The following MMP26 variants were observed in gnomAD, a reference collection of about 807,000 sequenced individuals.
The protein encoded by MMP26 is matrix metalloproteinase-26.
MMP26 carries 33 observed loss-of-function variants against 31.0 expected under a neutral mutation model. That is an observed-to-expected ratio of 1.06 (90% CI 0.81 to 1.42). The LOEUF is 1.42. Among genes scored for constraint, MMP26 ranks in the 40% most tolerant of loss-of-function variants. The probability of loss-of-function intolerance (pLI) is 0.00; values close to 1 mark genes in which losing one functional copy is unlikely to be tolerated. For synonymous variants in MMP26, 122 were observed against 114.9 expected (o/e 1.06, Z -0.40); for missense variants, 347 against 316.1 (o/e 1.10, Z -0.74).
chr11:4,914,431 G>T, intron 2 of MMP26: 1 of 323,732 alleles, frequency 3.1e-6, no homozygotes. Context: ...GGGAGAAGAA[G>T]TAGACCCTAT....
intron 2 of MMP26, among the ~76,000 whole-genome samples, chr11:4,932,932 CTTG>C (rs1851371792): frequency 1.3e-5 from 2 of 152,020 alleles, no homozygotes; most frequent in Non-Finnish European, 2.9e-5. Context: ...AGTTCATTGC[CTTG>C]TTTACAATCT....
chr11:4,862,895 A>C (rs1022989010), intron 2 of MMP26, among the ~76,000 whole-genome samples: 17 of 152,078 alleles, frequency 1.1e-4, no homozygotes, highest in Non-Finnish European at 2.2e-4. Flanking sequence ...GATCTAAACA[A>C]AGCACTTTGT....
intron 2 of MMP26, chr11:4,882,084 A>T: frequency 6.2e-7 from 1 of 1,613,918 alleles, no homozygotes; most frequent in Non-Finnish European, 8.5e-7. Context: ...AAACCCATGT[A>T]TTATTTCCTC....
intron 2 of MMP26, among the ~76,000 whole-genome samples, chr11:4,778,438 A>G (rs907035280): frequency 1.3e-5 from 2 of 152,010 alleles, no homozygotes; most frequent in Non-Finnish European, 2.9e-5. Context: ...GTATCTATCA[A>G]ATGCCTATAT....
chr11:4,925,448 T>C lies in MMP26; in HGVS notation c.-144-62620T>C, dbSNP rs138189849. 3.3e-5 allele frequency among the ~76,000 whole-genome samples: 5 copies of C among 152,180 alleles called. No individual in the cohort carries two copies. In the East Asian group the frequency reaches 9.6e-4, roughly 29 times the overall value. Reference sequence around the variant, plus strand: ...AAGATGGATGGCAACAGAAGACACATGTTTTAGAGACCGAGTCCAGTTTGG... The same window carrying C: ...AAGATGGATGGCAACAGAAGACACACGTTTTAGAGACCGAGTCCAGTTTGG... On this transcript the variant is annotated intron_variant, in intron 2 of 7. Coordinates refer to ENST00000380390, the MANE Select transcript of MMP26 (RefSeq NM_021801.5).
intron 2 of MMP26, among the ~76,000 whole-genome samples, chr11:4,961,193 C>G (rs1304761017): frequency 6.6e-6 from 1 of 152,204 alleles, no homozygotes; most frequent in African/African-American, 2.4e-5. Flanking sequence ...TTCAGTGTTT[C>G]TACATACACG....
chr11:4,881,759 C>T lies in MMP26; in HGVS notation c.-144-106309C>T, dbSNP rs1348230718. The T allele has an allele frequency of 1.0e-5, 8 of 776,988 alleles. No homozygotes were observed. In the Admixed American group the frequency reaches 1.8e-4, roughly 18 times the overall value. 48.1% of individuals were successfully genotyped at this position (776,988 alleles called of 1,614,324 possible). A position where few individuals can be genotyped will look rare whatever the true frequency, so the allele number is the denominator to read the frequency against. ...ATATACTATTTAACCTTCCTGGGTC[C>T]ATTTCCTTTCTTTAAAACAGAAGAA... On this transcript the variant is annotated intron_variant, in intron 2 of 7. Coordinates refer to ENST00000380390, the MANE Select transcript of MMP26 (RefSeq NM_021801.5).
At chr11:4,910,171 G>A (rs1332535363) in intron 2 of MMP26, among the ~76,000 whole-genome samples, 3 of 151,964 alleles carry the variant, frequency 2.0e-5, no homozygotes, top group Admixed American at 6.6e-5. Flanking sequence ...GCATTTTCTG[G>A]TGTCTAGAGG....
chr11:4,738,466 G>C (rs1199550700), intron 1 of MMP26, among the ~76,000 whole-genome samples: 1 of 152,196 alleles, frequency 6.6e-6, no homozygotes, highest in South Asian at 2.1e-4. Context: ...TCAGCTTAAG[G>C]GGTGTTTTCA....
At chr11:4,991,880 C>T in intron 6 of MMP26, 84 bp from the exon 7 acceptor site, 1 of 1,269,222 alleles carries the variant, frequency 7.9e-7, no homozygotes, top group Non-Finnish European at 1.1e-6. Context: ...TCTGTTCTCT[C>T]CTTTTTCTTT....
chr11:4,732,186 C>T (rs1001227663), intron 1 of MMP26, among the ~76,000 whole-genome samples: 1 of 152,118 alleles, frequency 6.6e-6, no homozygotes, highest in East Asian at 1.9e-4. Flanking sequence ...TCGATATTCT[C>T]CTGTACATAT....
chr11:4,913,673 A>T (rs1018164470), intron 2 of MMP26: 1 of 152,140 alleles, frequency 6.6e-6, no homozygotes, highest in Non-Finnish European at 1.5e-5. Context: ...TTTCCACTTC[A>T]CCTCATTTTT....
intron 3 of MMP26, 133 bp downstream of exon 3, chr11:4,988,443 TTCTA>T (rs1456628926): frequency 1.7e-5 from 13 of 751,804 alleles, no homozygotes; most frequent in Middle Eastern, 2.3e-4. Context: ...AAACATTTTA[TTCTA>T]TCTATGTGTT....
intron 2 of MMP26, among the ~76,000 whole-genome samples, chr11:4,933,029 C>A (rs1379313629): frequency 2.6e-5 from 4 of 152,124 alleles, no homozygotes; most frequent in Admixed American, 1.3e-4. Context: ...AACCTTATTT[C>A]TCTACGATGT....
intron 2 of MMP26, chr11:4,803,412 G>A: frequency 4.1e-6 from 6 of 1,461,364 alleles, no homozygotes; most frequent in Non-Finnish European, 5.6e-6. Context: ...TGTAAGTGAT[G>A]GGGATACACT....
In MMP26 at chr11:4,988,254, T is replaced by G; in HGVS notation, c.43T>G (p.Cys15Gly). Residue 15 changes from cysteine to glycine, a missense_variant, in exon 3 of 8, where the codon TGT (cysteine) becomes GGT (glycine). Physicochemically the swap from Cys to Gly is radical, Grantham distance 159 (BLOSUM62 -3). Transcript: ENST00000380390. Reference sequence around the variant, plus strand: ...AAGAGTTACTATCTTCTTGCCCTGGTGTTTCGCCGTTCCAGTGCCCCCTGC... The same window carrying G: ...AAGAGTTACTATCTTCTTGCCCTGGGGTTTCGCCGTTCCAGTGCCCCCTGC... ...ILRVTIFLPWCFAVPVPPAAD... is the reference protein window; with the variant it reads ...ILRVTIFLPWGFAVPVPPAAD... 6.2e-7 allele frequency: 1 copy of G among 1,614,118 alleles called. No homozygotes were observed. Among genetic ancestry groups the G allele is most frequent in the Non-Finnish European group, 8.5e-7 (1 of 1,180,028 alleles).
In MMP26 at chr11:4,919,550, C is replaced by G. The variant is rs1851150918; in HGVS notation, c.-144-68518C>G. Among the ~76,000 whole-genome samples, 3 of 152,070 alleles carry G rather than the reference C, an allele frequency of 2.0e-5. No individual in the cohort carries two copies. In the South Asian group the frequency reaches 6.3e-4, roughly 32 times the overall value. On this transcript the variant is annotated intron_variant, in intron 2 of 7. Transcript: ENST00000380390. ...CTTGTGAGATACCAGGATGGAAAGC[C>G]CAGAGGATGCCATGTACCAGCCACT...
At chr11:4,889,379 T>C (rs1053241957) in intron 2 of MMP26, among the ~76,000 whole-genome samples, 2 of 152,176 alleles carry the variant, frequency 1.3e-5, no homozygotes, top group African/African-American at 4.8e-5. Flanking sequence ...CAGGGAATAA[T>C]AACAAAAAAT....
chr11:4,931,716 C>G (rs1050816916), intron 2 of MMP26, among the ~76,000 whole-genome samples: 1 of 151,784 alleles, frequency 6.6e-6, no homozygotes, highest in African/African-American at 2.4e-5. Context: ...AGCAAGGTCT[C>G]AAAAAACAGG....
Sources: allele counts gnomAD v4.1 joint callset (sites outside exome capture counted in the v4.1 genomes callset), GRCh38; gene constraint gnomAD v4.1.1; transcripts MANE v1.5; gene names NCBI Gene and HGNC (gene_info 2026-07-23, HGNC 2026-07-21).